The following PMFBP1 variants were observed in gnomAD, a reference collection of about 807,000 sequenced individuals.
PMFBP1 encodes the protein polyamine-modulated factor 1-binding protein 1.
A neutral mutation model predicts 137.8 loss-of-function variants in PMFBP1; 131 were observed. The observed-to-expected ratio is 0.95, with a 90% CI of 0.82 to 1.10. The LOEUF is 1.10. Ranked by LOEUF, PMFBP1 falls within the 50% of genes least tolerant of loss-of-function variation. The probability of loss-of-function intolerance (pLI) is 0.00; values close to 1 mark genes in which losing one functional copy is unlikely to be tolerated. For synonymous variants in PMFBP1, 490 were observed against 450.4 expected (o/e 1.09, Z -1.11); for missense variants, 1,199 against 1,175.4 (o/e 1.02, Z -0.29).
chr16:72,119,112 G>A lies in PMFBP1; in HGVS notation c.*226C>T. Reference sequence around the variant, plus strand: ...CCACAACTGCTGTGCTCATGCTCATGTCTTTATTTCAGAGTTTGGGCCTGG... The same window carrying A: ...CCACAACTGCTGTGCTCATGCTCATATCTTTATTTCAGAGTTTGGGCCTGG... On this transcript the variant is annotated 3_prime_UTR_variant, in exon 21 of 21. Transcript: ENST00000237353. The A allele has an allele frequency of 1.9e-6, 1 of 520,246 alleles. No homozygotes were observed. Among genetic ancestry groups the A allele is most frequent in the Non-Finnish European group, 3.4e-6 (1 of 292,468 alleles). 32.2% of individuals were successfully genotyped at this position (520,246 alleles called of 1,614,324 possible). A position where few individuals can be genotyped will look rare whatever the true frequency, so the allele number is the denominator to read the frequency against.
intron 9 of PMFBP1, among the ~76,000 whole-genome samples, chr16:72,134,840 G>A (rs752495550): frequency 2.6e-5 from 4 of 152,140 alleles, no homozygotes; most frequent in South Asian, 2.1e-4. Context: ...CCGCCATCAA[G>A]CTGTTGGAGG....
At chr16:72,172,210 T>C (rs539361027), upstream of PMFBP1, 1 of 152,156 alleles carries the variant, frequency 6.6e-6, no homozygotes, top group Admixed American at 6.5e-5. Flanking sequence ...TTTCCTGCAT[T>C]GAGTACCCTC....
At position 72,125,339 on chromosome 16, in the gene PMFBP1, C is replaced by T. The variant is rs753897621; in HGVS notation, c.2320G>A (p.Ala774Thr). 3.7e-6 allele frequency: 6 copies of T among 1,614,162 alleles called. No individual in the cohort carries two copies. The South Asian group carries it at 6.6e-5, about 18-fold the overall frequency. ...GCAATGATTTCCTCTTCCAGCTGAGCTTTCTTCTCTTGGGTCTGTGTCAAG... is the reference window on the plus strand; with the variant it reads ...GCAATGATTTCCTCTTCCAGCTGAGTTTTCTTCTCTTGGGTCTGTGTCAAG... ...QSLTQTQEKK[A>T]QLEEEIIAYE... The change falls in exon 16 of 21, where the codon GCT becomes ACT. Residue 774 changes from alanine (A) to threonine (T), a missense_variant. By Grantham distance (58) the Ala-to-Thr change is moderately conservative. Transcript: ENST00000237353.
chr16:72,217,028 G>C, the PMFBP1 span, among the ~76,000 whole-genome samples: 3 of 152,282 alleles, frequency 2.0e-5, no homozygotes, highest in South Asian at 2.1e-4. Flanking sequence ...ACAGGACTTT[G>C]AGTTGTTTTC....
At chr16:72,150,012 G>C (rs1014199350) in intron 5 of PMFBP1, among the ~76,000 whole-genome samples, 2 of 152,164 alleles carry the variant, frequency 1.3e-5, no homozygotes, top group South Asian at 4.1e-4. Flanking sequence ...TCTATCTAGA[G>C]AGCCTATAAT....
chr16:72,116,856 T>G (rs148069546), downstream of PMFBP1, among the ~76,000 whole-genome samples: 537 of 152,272 alleles, frequency 3.5e-3, 2 homozygotes, highest in Non-Finnish European at 5.1e-3. Flanking sequence ...TTCCATTGGT[T>G]TGTATGTCTG....
chr16:72,221,424 T>C, the PMFBP1 span, among the ~76,000 whole-genome samples: 1 of 152,204 alleles, frequency 6.6e-6, no homozygotes, highest in Non-Finnish European at 1.5e-5. Flanking sequence ...TCCAACCTAT[T>C]TGTTTTATCC....
Position 72,152,970 on chromosome 16 carries a change from T to C in PMFBP1, c.414+1241A>G, listed in dbSNP as rs1234693963. Among the ~76,000 whole-genome samples, 5 of 152,104 alleles carry C rather than the reference T, an allele frequency of 3.3e-5. No homozygotes were observed. The East Asian group carries it at 7.7e-4, about 23-fold the overall frequency. ...CCCAAGGATAGACCCTTAGACCTGA[T>C]GACACACACAGTTGCCATAACAGCA... is the stretch of plus-strand genomic sequence containing the variant. On this transcript the variant is annotated intron_variant, in intron 4 of 20. Coordinates refer to ENST00000237353, the MANE Select transcript of PMFBP1 (RefSeq NM_031293.3).
At chr16:72,116,680 G>A (rs561104322), downstream of PMFBP1, among the ~76,000 whole-genome samples, 56 of 131,314 alleles carry the variant, frequency 4.3e-4, no homozygotes, top group African/African-American at 1.6e-3. Context: ...TATTAGGTAA[G>A]GGCACAGCTT....
At chr16:72,193,113 A>C in the PMFBP1 span, among the ~76,000 whole-genome samples, 1 of 152,060 alleles carries the variant, frequency 6.6e-6, no homozygotes, top group Non-Finnish European at 1.5e-5. Context: ...CTGGCCAGGC[A>C]TGGTAGGTCG....
the PMFBP1 span, among the ~76,000 whole-genome samples, chr16:72,196,201 T>A: frequency 6.6e-6 from 1 of 152,158 alleles, no homozygotes; most frequent in African/African-American, 2.4e-5. Context: ...CCCCTCCTCC[T>A]GCTCCCAGAT....
At chr16:72,212,799 G>T in the PMFBP1 span, among the ~76,000 whole-genome samples, 3 of 152,090 alleles carry the variant, frequency 2.0e-5, no homozygotes, top group Non-Finnish European at 4.4e-5. Context: ...AACATCTGGG[G>T]TTAAAAAAAA....
chr16:72,234,931 C>T, the PMFBP1 span, among the ~76,000 whole-genome samples: 3 of 152,112 alleles, frequency 2.0e-5, no homozygotes, highest in African/African-American at 7.2e-5. Flanking sequence ...TCTTCATGTA[C>T]TCTGGATACA....
At chr16:72,167,486 C>G (rs548632146) in intron 2 of PMFBP1, among the ~76,000 whole-genome samples, 1 of 152,182 alleles carries the variant, frequency 6.6e-6, no homozygotes, top group Admixed American at 6.5e-5. Flanking sequence ...TGGGGACTCT[C>G]TTAAGACAAT....
intron 3 of PMFBP1, among the ~76,000 whole-genome samples, chr16:72,156,388 G>A (rs1002734439): frequency 2.6e-5 from 4 of 152,122 alleles, no homozygotes; most frequent in African/African-American, 9.6e-5. Flanking sequence ...GGAGGCCGAC[G>A]TGGGTGGATC....
chr16:72,130,285 CTT>C lies in PMFBP1; in HGVS notation c.1708_1709del (p.Lys570GlufsTer9). 1 of 1,614,198 alleles carries C rather than the reference CTT, an allele frequency of 6.2e-7. No individual in the cohort carries two copies. Among genetic ancestry groups the C allele is most frequent in the Non-Finnish European group, 8.5e-7 (1 of 1,180,048 alleles). ...CAGCCACTGTCTTCTGAAGCTGCCTCTTTTCCTTGTCTGAATTTTCAAGCTTC... is the reference window on the plus strand; with the variant it reads ...CAGCCACTGTCTTCTGAAGCTGCCTCTTCCTTGTCTGAATTTTCAAGCTTC... ...LRKLENSDKE[K>X]RQLQKTVAEQ... On this transcript the variant is annotated frameshift_variant, in exon 12 of 21. Coordinates refer to ENST00000237353, the MANE Select transcript of PMFBP1 (RefSeq NM_031293.3). LOFTEE classifies it high-confidence loss of function.
In PMFBP1 at chr16:72,132,941, T is replaced by G. The variant is rs943610164; in HGVS notation, c.1254A>C (p.Thr418=). 5 of 1,614,112 alleles carry G rather than the reference T, an allele frequency of 3.1e-6. No individual in the cohort carries two copies. The highest frequency in any genetic ancestry group is 4.2e-6 in the Non-Finnish European group (5 of 1,180,050). The change falls in exon 10 of 21, where the codon ACA becomes ACC. Residue 418 remains threonine (T), a synonymous_variant. Transcript: ENST00000237353. ...TTTTCAGGAGGCTGTTCTGAACCTGTGTCAGTTTCTTCTCCAGCTCTTGCA... is the reference window on the plus strand; with the variant it reads ...TTTTCAGGAGGCTGTTCTGAACCTGGGTCAGTTTCTTCTCCAGCTCTTGCA... ...EMLQELEKKL[T]QVQNSLLKKE... is the part of the protein sequence containing the mutation.
intron 3 of PMFBP1, among the ~76,000 whole-genome samples, chr16:72,157,105 C>T (rs184336038): frequency 2.8e-5 from 4 of 141,856 alleles, no homozygotes; most frequent in East Asian, 4.5e-4. Context: ...AGGAAAATGG[C>T]GTGAACCCGG....
At chr16:72,236,675 C>T in the PMFBP1 span, among the ~76,000 whole-genome samples, 5 of 152,194 alleles carry the variant, frequency 3.3e-5, no homozygotes, top group Non-Finnish European at 5.9e-5. Context: ...CAAAACAAAA[C>T]GATGATCAAA....
Sources: allele counts gnomAD v4.1 joint callset (sites outside exome capture counted in the v4.1 genomes callset), GRCh38; gene constraint gnomAD v4.1.1; transcripts MANE v1.5; gene names NCBI Gene and HGNC (gene_info 2026-07-23, HGNC 2026-07-21).